The following DCDC1 variants were observed in gnomAD, a reference collection of about 807,000 sequenced individuals.
DCDC1 encodes doublecortin domain-containing protein 1.
A neutral mutation model predicts 178.3 loss-of-function variants in DCDC1; 200 were observed. The observed-to-expected ratio is 1.12, with a 90% CI of 1.00 to 1.26. DCDC1 has a LOEUF of 1.26. Among genes scored for constraint, DCDC1 ranks in the 50% most tolerant of loss-of-function variants. DCDC1 has a pLI of 0.00. For missense variants in DCDC1, 1,983 were observed against 1,749.2 expected (o/e 1.13, Z -2.38); for synonymous variants, 690 against 604.8 (o/e 1.14, Z -2.07).
rs528659835 is a variant in DCDC1, at chr11:31,105,175, T to A, written c.1752-1406A>T. ...AAATGCTGTAATGGTTTCCTGGTGC[T>A]TTATGTTGGACTGGAAACCAAAAAA... On this transcript the variant is annotated intron_variant, in intron 13 of 38. Transcript: ENST00000684477. 5.9e-5 allele frequency among the ~76,000 whole-genome samples: 9 copies of A among 152,170 alleles called. No homozygotes were observed. In the South Asian group the frequency reaches 1.9e-3, roughly 32 times the overall value.
chr11:31,127,329 A>G, intron 11 of DCDC1, 140 bp downstream of exon 11: 2 of 494,462 alleles, frequency 4.0e-6, no homozygotes, highest in Non-Finnish European at 7.1e-6. Flanking sequence ...TAATAATATC[A>G]CCACTTGTAA....
At chr11:31,330,592 A>G (rs1172714617) in intron 2 of DCDC1, among the ~76,000 whole-genome samples, 2 of 152,166 alleles carry the variant, frequency 1.3e-5, no homozygotes, top group African/African-American at 4.8e-5. Context: ...TAAGGAAGGG[A>G]TCCAGTTTCA....
intron 9 of DCDC1, chr11:31,156,058 C>A (rs1435576360): frequency 1.3e-5 from 2 of 152,144 alleles, no homozygotes; most frequent in African/African-American, 4.8e-5. Context: ...AGTTGGCAAA[C>A]TGTTTCTGTA....
intron 9 of DCDC1, among the ~76,000 whole-genome samples, chr11:31,198,953 G>T (rs1025986626): frequency 4.0e-5 from 6 of 151,398 alleles, no homozygotes; most frequent in Non-Finnish European, 7.4e-5. Flanking sequence ...CTTACTAAAG[G>T]GAAAAAACAT....
At chr11:31,334,468 T>G (rs772429858) in intron 2 of DCDC1, among the ~76,000 whole-genome samples, 28 of 152,214 alleles carry the variant, frequency 1.8e-4, no homozygotes, top group Non-Finnish European at 3.4e-4. Context: ...GTGCTCTGGT[T>G]TTTAGAATTG....
At chr11:30,952,747 T>C (rs1229681784) in intron 20 of DCDC1, among the ~76,000 whole-genome samples, 179 bp from the exon 21 acceptor site, 1 of 152,096 alleles carries the variant, frequency 6.6e-6, no homozygotes, top group African/African-American at 2.4e-5. Context: ...TACTAAAAAA[T>C]AATAAATTTT....
Position 30,864,602 on chromosome 11 carries a change from A to G in DCDC1, c.*771T>C, listed in dbSNP as rs769764329. 3.9e-5 allele frequency: 6 copies of G among 152,226 alleles called. No homozygotes were observed. Among genetic ancestry groups the G allele is most frequent in the African/African-American group, 1.2e-4 (5 of 41,446 alleles). The allele number at this position is 152,226 out of a possible 1,614,324, so 9.4% of individuals were successfully genotyped here. On this transcript the variant is annotated 3_prime_UTR_variant, in exon 39 of 39. Coordinates refer to ENST00000684477, the MANE Select transcript of DCDC1 (RefSeq NM_001387274.1). ...AAGAACTGAACCTCATGTCCCCATCATGTTGCTGTGGGGTGGGACTGATGA... is the reference window on the plus strand; with the variant it reads ...AAGAACTGAACCTCATGTCCCCATCGTGTTGCTGTGGGGTGGGACTGATGA...
intron 20 of DCDC1, among the ~76,000 whole-genome samples, chr11:31,032,155 T>C (rs1953693397): frequency 6.6e-6 from 1 of 152,058 alleles, no homozygotes. Flanking sequence ...ATTTTATATG[T>C]CCATCAAATA....
chr11:31,073,656 TA>T (rs1414784238), intron 18 of DCDC1, among the ~76,000 whole-genome samples: 1 of 152,194 alleles, frequency 6.6e-6, no homozygotes, highest in East Asian at 1.9e-4. Context: ...AGGAATATGG[TA>T]AAGATTATAA....
intron 12 of DCDC1, 56 bp downstream of exon 12, chr11:31,110,204 G>T (rs371695419): frequency 1.5e-6 from 1 of 664,722 alleles, no homozygotes; most frequent in East Asian, 2.7e-5. Context: ...GTCTAAATTA[G>T]TTGCAAGTAA....
intron 20 of DCDC1, among the ~76,000 whole-genome samples, chr11:31,026,185 AAAAG>A (rs1953220460): frequency 6.6e-6 from 1 of 151,800 alleles, no homozygotes; most frequent in Non-Finnish European, 1.5e-5. Flanking sequence ...CTTTAGACAA[AAAAG>A]AGAGAGATAA....
In DCDC1 at chr11:30,959,885, C is replaced by T. The variant is rs150051039; in HGVS notation, c.2592-7317G>A. Among the ~76,000 whole-genome samples, 245 of 152,260 alleles carry T rather than the reference C, an allele frequency of 1.6e-3. 2 individuals carry two copies. The highest frequency in any genetic ancestry group is 5.7e-3 in the African/African-American group (235 of 41,550). ...AAGCTATGGCCAAATCCATCACACT[C>T]CACCTGGTACTTTATTTCCCTCCTT... is the stretch of plus-strand genomic sequence containing the variant. On this transcript the variant is annotated intron_variant, in intron 20 of 38. Coordinates refer to ENST00000684477, the MANE Select transcript of DCDC1 (RefSeq NM_001387274.1).
intron 36 of DCDC1, among the ~76,000 whole-genome samples, chr11:30,889,802 G>A (rs929711901): frequency 2.0e-5 from 3 of 152,152 alleles, no homozygotes; most frequent in Non-Finnish European, 4.4e-5. Context: ...TTATTTACAG[G>A]CAAGTAGTGG....
At chr11:31,201,968 TATA>T (rs1971338783) in intron 9 of DCDC1, among the ~76,000 whole-genome samples, 1 of 152,230 alleles carries the variant, frequency 6.6e-6, no homozygotes, top group Admixed American at 6.5e-5. Context: ...GCTTTAAAAG[TATA>T]AAATGGTATT....
At chr11:31,359,850 A>G (rs1951617669) in intron 1 of DCDC1, among the ~76,000 whole-genome samples, 1 of 152,194 alleles carries the variant, frequency 6.6e-6, no homozygotes. Context: ...GCTTTTACAT[A>G]TAAGAGCTAA....
intron 9 of DCDC1, among the ~76,000 whole-genome samples, chr11:31,217,798 AAGTC>A (rs976629031): frequency 1.3e-5 from 2 of 152,164 alleles, no homozygotes; most frequent in African/African-American, 4.8e-5. Flanking sequence ...AATTTAACAA[AAGTC>A]ACTAAAGTAA....
At chr11:31,046,867 C>T (rs1044131913) in intron 20 of DCDC1, among the ~76,000 whole-genome samples, 4 of 152,210 alleles carry the variant, frequency 2.6e-5, no homozygotes, top group South Asian at 2.1e-4. Flanking sequence ...AAACTTTACA[C>T]GTTTATGCAT....
intron 9 of DCDC1, among the ~76,000 whole-genome samples, chr11:31,139,155 C>T (rs1164092729): frequency 1.3e-5 from 2 of 151,782 alleles, no homozygotes; most frequent in Middle Eastern, 3.2e-3. Flanking sequence ...CTATTTCATG[C>T]TACAATGGCA....
intron 2 of DCDC1, among the ~76,000 whole-genome samples, chr11:31,330,697 C>T (rs1299562517): frequency 6.6e-6 from 1 of 152,136 alleles, no homozygotes. Context: ...TGTCAAAGAT[C>T]AGAGGGCTGT....
Sources: allele counts gnomAD v4.1 joint callset (sites outside exome capture counted in the v4.1 genomes callset), GRCh38; gene constraint gnomAD v4.1.1; transcripts MANE v1.5; gene names NCBI Gene and HGNC (gene_info 2026-07-23, HGNC 2026-07-21).